DSCAM: variants seen among roughly 807,000 people sequenced by gnomAD.
DSCAM encodes DS cell adhesion molecule.
Under a neutral mutation model 217.7 loss-of-function variants are expected in DSCAM, and 47 were observed. That is an observed-to-expected ratio of 0.22 (90% CI 0.17 to 0.28). The LOEUF is 0.28. Ranked by LOEUF, DSCAM falls within the 10% of genes least tolerant of loss-of-function variation. The pLI is 1.00. For synonymous variants in DSCAM, 1,056 were observed against 1,015.3 expected (o/e 1.04, Z -0.76); for missense variants, 2,080 against 2,618.3 (o/e 0.79, Z 4.49).
At chr21:40,666,333 G>T (rs986960784) in intron 3 of DSCAM, among the ~76,000 whole-genome samples, 3 of 152,152 alleles carry the variant, frequency 2.0e-5, no homozygotes, top group African/African-American at 4.8e-5. Flanking sequence ...CCTATGAGCA[G>T]AGTAGTATCA....
intron 3 of DSCAM, among the ~76,000 whole-genome samples, chr21:40,678,689 C>T (rs2090367640): frequency 6.6e-6 from 1 of 152,148 alleles, no homozygotes; most frequent in African/African-American, 2.4e-5. Flanking sequence ...ATTGGTGAAG[C>T]ATATTGATCA....
At chr21:40,243,044 T>C (rs1267087526) in intron 11 of DSCAM, among the ~76,000 whole-genome samples, 2 of 152,180 alleles carry the variant, frequency 1.3e-5, no homozygotes, top group Non-Finnish European at 2.9e-5. Flanking sequence ...CTGTTTTCTA[T>C]TTACAGCTAA....
chr21:40,771,528 G>A (rs1425169093), intron 1 of DSCAM, among the ~76,000 whole-genome samples: 1 of 152,142 alleles, frequency 6.6e-6, no homozygotes, highest in Non-Finnish European at 1.5e-5. Flanking sequence ...GAAGGCTTCC[G>A]GACCAGGTTT....
chr21:40,165,353 T>C (rs368792172), intron 16 of DSCAM, among the ~76,000 whole-genome samples: 70 of 152,338 alleles, frequency 4.6e-4, no homozygotes, highest in African/African-American at 1.4e-3. Context: ...TGTGAAATGC[T>C]AAGCTGGTGA....
chr21:40,725,649 T>C (rs1035435077), intron 1 of DSCAM, among the ~76,000 whole-genome samples: 3 of 152,200 alleles, frequency 2.0e-5, no homozygotes, highest in African/African-American at 7.2e-5. Context: ...AACACTTAAA[T>C]GTAACCGAAG....
chr21:40,385,460 T>G (rs980405862), intron 3 of DSCAM: 2 of 152,230 alleles, frequency 1.3e-5, no homozygotes, highest in Non-Finnish European at 2.9e-5. Context: ...ATCCACTCAT[T>G]TCACTGCTGA....
chr21:40,704,739 A>T lies in DSCAM; in HGVS notation c.361+3715T>A, dbSNP rs115441396. 8.9e-3 allele frequency among the ~76,000 whole-genome samples: 1,361 copies of T among 152,238 alleles called. 19 individuals are homozygous for T. The highest frequency in any genetic ancestry group is 0.031 in the African/African-American group (1,291 of 41,534). On this transcript the variant is annotated intron_variant, in intron 2 of 32. Transcript: ENST00000400454. ...TCAAAAATATTAAAGAACAGAAAAA[A>T]ATGTTCTAACACTTATTAAAAAGAT...
chr21:40,012,971 AAAG>A lies in DSCAM; in HGVS notation c.*60_*62del. The A allele has an allele frequency of 2.5e-6, 3 of 1,210,076 alleles. No individual in the cohort carries two copies. The highest frequency in any genetic ancestry group is 3.2e-5 in the South Asian group (1 of 30,914). The allele number at this position is 1,210,076 out of a possible 1,614,324, so 75.0% of individuals were successfully genotyped here. A position where few individuals can be genotyped will look rare whatever the true frequency, so the allele number is the denominator to read the frequency against. On this transcript the variant is annotated 3_prime_UTR_variant, in exon 33 of 33. Transcript: ENST00000400454. ...TATAAATATTGGAATTCCGTAAAAAAAAGGTAGCTTTGATTGAATTGTTTGAAT... is the reference window on the plus strand; with the variant it reads ...TATAAATATTGGAATTCCGTAAAAAAGTAGCTTTGATTGAATTGTTTGAAT...
intron 11 of DSCAM, among the ~76,000 whole-genome samples, chr21:40,218,628 A>AT (rs554814731): frequency 0.046 from 6,832 of 148,712 alleles, 311 homozygotes; most frequent in African/African-American, 0.11. Flanking sequence ...TGAGCTTGGG[A>AT]TTTTTTTTTT....
At chr21:40,778,172 C>A (rs2091505901) in intron 1 of DSCAM, among the ~76,000 whole-genome samples, 1 of 151,886 alleles carries the variant, frequency 6.6e-6, no homozygotes, top group Non-Finnish European at 1.5e-5. Context: ...AGGAACACGA[C>A]CTTAAAAAGA....
intron 18 of DSCAM, among the ~76,000 whole-genome samples, chr21:40,134,390 C>T (rs1193866585): frequency 1.3e-5 from 2 of 152,220 alleles, no homozygotes; most frequent in Non-Finnish European, 2.9e-5. Flanking sequence ...ACACACGCTG[C>T]ACACTTGGCA....
chr21:40,295,745 C>T (rs1404980315), intron 10 of DSCAM, among the ~76,000 whole-genome samples: 3 of 152,162 alleles, frequency 2.0e-5, no homozygotes, highest in African/African-American at 4.8e-5. Flanking sequence ...GATCTCTAAG[C>T]AGACCATGGT....
intron 3 of DSCAM, among the ~76,000 whole-genome samples, chr21:40,647,104 T>C (rs763478848): frequency 6.6e-6 from 1 of 152,244 alleles, no homozygotes; most frequent in Non-Finnish European, 1.5e-5. Context: ...AGTTTTTCAG[T>C]CCTATTATCA....
intron 1 of DSCAM, among the ~76,000 whole-genome samples, chr21:40,831,272 G>A (rs2092009910): frequency 6.6e-6 from 1 of 151,260 alleles, no homozygotes; most frequent in African/African-American, 2.4e-5. Flanking sequence ...GTGTGAGAGA[G>A]TAATAAGAAT....
chr21:40,773,850 G>C (rs1399908384), intron 1 of DSCAM, among the ~76,000 whole-genome samples: 2 of 152,162 alleles, frequency 1.3e-5, no homozygotes, highest in Non-Finnish European at 2.9e-5. Flanking sequence ...TCCAGCTACC[G>C]GGGCACCAGG....
intron 1 of DSCAM, among the ~76,000 whole-genome samples, chr21:40,732,729 A>G (rs1052233823): frequency 3.9e-5 from 6 of 152,384 alleles, no homozygotes; most frequent in South Asian, 2.1e-4. Context: ...ACAAATGCAT[A>G]CAAATGATGA....
At chr21:40,334,818 C>T (rs1032241867) in intron 8 of DSCAM, among the ~76,000 whole-genome samples, 1 of 152,076 alleles carries the variant, frequency 6.6e-6, no homozygotes, top group Non-Finnish European at 1.5e-5. Context: ...TGGCTAAAAG[C>T]ATCCTTTTAA....
In DSCAM at chr21:40,732,167, T is replaced by C. The variant is rs541555051; in HGVS notation, c.44-23396A>G. 4.6e-5 allele frequency among the ~76,000 whole-genome samples: 7 copies of C among 152,316 alleles called. No homozygotes were observed. The South Asian group carries it at 1.4e-3, about 32-fold the overall frequency. ...AGGATGGTAGAGGAACCAGGGACCA[T>C]AATATGGGACAAATGTGATAGAATT... On this transcript the variant is annotated intron_variant, in intron 1 of 32. Coordinates refer to ENST00000400454, the MANE Select transcript of DSCAM (RefSeq NM_001389.5).
At chr21:40,033,817 C>T (rs1444059624) in intron 32 of DSCAM, among the ~76,000 whole-genome samples, 41 of 149,876 alleles carry the variant, frequency 2.7e-4, no homozygotes, top group East Asian at 5.9e-4. Flanking sequence ...CCTCCCAGTA[C>T]GCAGCTGGAC....
Sources: allele counts gnomAD v4.1 joint callset (sites outside exome capture counted in the v4.1 genomes callset), GRCh38; gene constraint gnomAD v4.1.1; transcripts MANE v1.5; gene names NCBI Gene and HGNC (gene_info 2026-07-23, HGNC 2026-07-21).